Variants in DLGAP5 observed in about 807,000 individuals in gnomAD.
DLGAP5 encodes disks large-associated protein 5.
A neutral mutation model predicts 99.6 loss-of-function variants in DLGAP5; 90 were observed. That is an observed-to-expected ratio of 0.90 (90% confidence interval 0.76 to 1.08). The LOEUF (loss-of-function observed/expected upper bound fraction) is 1.08. Ranked by LOEUF, DLGAP5 falls within the 50% of genes least tolerant of loss-of-function variation. The pLI is 0.00. For missense variants in DLGAP5, 1,036 were observed against 983.5 expected, an observed-to-expected ratio of 1.05 and a Z score of -0.71; for synonymous variants, 311 against 321.3, an observed-to-expected ratio of 0.97 and a Z score of 0.34.
In DLGAP5 at chr14:55,162,995, A is replaced by T; in HGVS notation, c.1629T>A (p.His543Gln). ...CCCTAAAGACATTTTTGTTCATATT[A>T]TGATTCATATTATTATTGACTTGCC... ...SGWQVNNNMN[H>Q]NMNKNVFRKK... The change falls in exon 13 of 19, where the codon CAT (histidine) becomes CAA (glutamine). Residue 543 changes from histidine (H) to glutamine (Q), a missense_variant. His to Gln is a conservative substitution (Grantham distance 24, BLOSUM62 0). Transcript: ENST00000247191. 6.3e-7 allele frequency: 1 copy of T among 1,592,434 alleles called. No individual in the cohort carries two copies. Among genetic ancestry groups the T allele is most frequent in the Non-Finnish European group, 8.5e-7 (1 of 1,170,538 alleles).
At chr14:55,190,125 C>T (rs959035056) in intron 1 of DLGAP5, among the ~76,000 whole-genome samples, 1 of 152,116 alleles carries the variant, frequency 6.6e-6, no homozygotes, top group African/African-American at 2.4e-5. Context: ...CCATTATTTT[C>T]ATCCATACAA....
intron 2 of DLGAP5, among the ~76,000 whole-genome samples, chr14:55,184,593 T>G (rs767944799): frequency 6.6e-6 from 1 of 152,206 alleles, no homozygotes; most frequent in Non-Finnish European, 1.5e-5. Context: ...TAATGGAATA[T>G]GACTTCTAAA....
chr14:55,151,832 C>A lies in DLGAP5; in HGVS notation c.2231G>T (p.Gly744Val). The change falls in exon 17 of 19, where the codon GGA becomes GTA. Residue 744 changes from glycine (G) to valine (V), a missense_variant. Coordinates refer to ENST00000247191, the MANE Select transcript of DLGAP5 (RefSeq NM_014750.5). ...CATTCCTTCCACAACATCTGAAATT[C>A]CTTCTTTTTTGTTAGTATTAATATC... ...ADDINTNKKEGISDVVEGMEL... is the reference protein window; with the variant it reads ...ADDINTNKKEVISDVVEGMEL... 6.2e-7 allele frequency: 1 copy of A among 1,613,926 alleles called. No homozygotes were observed. Among genetic ancestry groups the A allele is most frequent in the African/African-American group, 1.3e-5 (1 of 75,006 alleles).
At position 55,158,686 on chromosome 14, in the gene DLGAP5, A is replaced by G. The variant is rs929652399; in HGVS notation, c.1709T>C (p.Ile570Thr). The change falls in exon 14 of 19, where the codon ATT becomes ACT. Residue 570 changes from isoleucine (I) to threonine (T), a missense_variant. Ile to Thr is a moderately conservative substitution (Grantham distance 89, BLOSUM62 -1). Coordinates refer to ENST00000247191, the MANE Select transcript of DLGAP5 (RefSeq NM_014750.5). ...GGCAGCTAGGCGATTTCTCGCTGCA[A>G]TTCTTCCAGCATCATCCTGTTTTGG... ...SKPKQDDAGR[I>T]AARNRLAAIK... 6.2e-7 allele frequency: 1 copy of G among 1,614,070 alleles called. No homozygotes were observed. Among genetic ancestry groups the G allele is most frequent in the Non-Finnish European group, 8.5e-7 (1 of 1,180,008 alleles).
At chr14:55,176,091 G>C in intron 8 of DLGAP5, 73 bp from the exon 9 acceptor site, 2 of 1,325,498 alleles carry the variant, frequency 1.5e-6, no homozygotes, top group East Asian at 2.4e-5. Context: ...TTTCAAAATT[G>C]TGTCACTTGT....
intron 14 of DLGAP5, among the ~76,000 whole-genome samples, chr14:55,157,045 T>TAAGACTCCAGTAAGTCCAA (rs997178522): frequency 6.6e-6 from 1 of 152,206 alleles, no homozygotes; most frequent in Non-Finnish European, 1.5e-5. Context: ...AAAACTCCAG[T>TAAGACTCCAGTAAGTCCAA]AAGACTCCAG....
rs1594662780 is a variant in DLGAP5, at chr14:55,154,526, A to C, written c.2063+91T>G. ...GGTCATTATGAAATTTATTAAAAAT[A>C]TATGTCTGGCACCTTTTACCATCTT... is the stretch of plus-strand genomic sequence containing the variant. On this transcript the variant is annotated intron_variant, in intron 15 of 18. Coordinates refer to ENST00000247191, the MANE Select transcript of DLGAP5 (RefSeq NM_014750.5). 13 of 1,059,994 alleles carry C rather than the reference A, an allele frequency of 1.2e-5. No homozygotes were observed. In the East Asian group the frequency reaches 3.1e-4, roughly 25 times the overall value. The allele number at this position is 1,059,994 out of a possible 1,614,324, so 65.7% of individuals were successfully genotyped here. A position where few individuals can be genotyped will look rare whatever the true frequency, so the allele number is the denominator to read the frequency against.
chr14:55,150,598 C>G (rs78556632), intron 18 of DLGAP5: 1 of 357,484 alleles, frequency 2.8e-6, no homozygotes, highest in East Asian at 5.1e-5. Flanking sequence ...AAAAACATAT[C>G]TTCAGGGTTA....
Position 55,180,645 on chromosome 14 carries a change from A to C in DLGAP5, c.703+11T>G, listed in dbSNP as rs768848951. On this transcript the variant is annotated intron_variant, in intron 6 of 18. Transcript: ENST00000247191. ...TTCTAGTTCAGTCACTGATCAAGGA[A>C]TAGTTCTCACCATTAGCAGCTCTTG... 1.2e-6 allele frequency: 2 copies of C among 1,613,922 alleles called. 1 individual carries two copies. Among genetic ancestry groups the C allele is most frequent in the Admixed American group, 3.3e-5 (2 of 59,966 alleles).
intron 17 of DLGAP5, 36 bp from the exon 18 acceptor site, chr14:55,150,884 T>G (rs1416949901): frequency 7.1e-6 from 10 of 1,413,584 alleles, no homozygotes; most frequent in South Asian, 1.3e-5. Context: ...TTAAAGAATA[T>G]TCTCACATTC....
chr14:55,173,601 CTCTA>C (rs769417393), intron 10 of DLGAP5, among the ~76,000 whole-genome samples: 1,627 of 142,586 alleles, frequency 0.011, 22 homozygotes, highest in African/African-American at 0.045. Context: ...CTCTCTCTCT[CTCTA>C]TATATATATA....
chr14:55,149,115 T>C (rs1881923577), intron 18 of DLGAP5, among the ~76,000 whole-genome samples: 1 of 152,196 alleles, frequency 6.6e-6, no homozygotes, highest in African/African-American at 2.4e-5. Context: ...TCAGACTAAA[T>C]GATAAGGTAT....
At chr14:55,161,408 A>AATTTTT (rs1555328155) in intron 13 of DLGAP5, among the ~76,000 whole-genome samples, 1 of 115,904 alleles carries the variant, frequency 8.6e-6, no homozygotes. Flanking sequence ...TAAAAAAAAA[A>AATTTTT]TTTTTTTTTT....
chr14:55,175,047 C>T (rs190914945), intron 10 of DLGAP5, among the ~76,000 whole-genome samples: 82 of 152,284 alleles, frequency 5.4e-4, no homozygotes, highest in Non-Finnish European at 5.7e-4. Context: ...TCTACATATG[C>T]ATGAACTATC....
chr14:55,184,649 C>T (rs114657769), intron 2 of DLGAP5, among the ~76,000 whole-genome samples: 2,238 of 152,246 alleles, frequency 0.015, 45 homozygotes, highest in African/African-American at 0.051. Context: ...GTCGCTTGCT[C>T]TGGGAGAAGC....
chr14:55,179,596 G>A, intron 7 of DLGAP5, 33 bp downstream of exon 7: 2 of 1,543,366 alleles, frequency 1.3e-6, no homozygotes, highest in Non-Finnish European at 1.8e-6. Flanking sequence ...GATTTTCAAA[G>A]CATCTAGAAT....
At chr14:55,175,818 T>TTAC in intron 9 of DLGAP5, 76 bp downstream of exon 9, 1 of 1,269,252 alleles carries the variant, frequency 7.9e-7, no homozygotes, top group Non-Finnish European at 1.1e-6. Context: ...AAAAATGTAA[T>TTAC]TACTATACCT....
intron 12 of DLGAP5, among the ~76,000 whole-genome samples, chr14:55,164,151 C>T (rs1357334437): frequency 6.6e-6 from 1 of 152,104 alleles, no homozygotes; most frequent in Non-Finnish European, 1.5e-5. Context: ...ACACACATAT[C>T]CTCTTAGCTT....
Position 55,151,483 on chromosome 14 carries a change from G to A in DLGAP5, c.2368+212C>T, listed in dbSNP as rs146451435. On this transcript the variant is annotated intron_variant, in intron 17 of 18. Transcript: ENST00000247191. ...AGGTTGCAGTGAGCTGAGATCACAC[G>A]ACTACACTCCAGCCTGGGCAACAGA... 7.3e-5 allele frequency among the ~76,000 whole-genome samples: 11 copies of A among 150,802 alleles called. No homozygotes were observed. The South Asian group carries it at 1.0e-3, about 14-fold the overall frequency.
Sources: allele counts gnomAD v4.1 joint callset (sites outside exome capture counted in the v4.1 genomes callset), GRCh38; gene constraint gnomAD v4.1.1; transcripts MANE v1.5; gene names NCBI Gene and HGNC (gene_info 2026-07-23, HGNC 2026-07-21).